Variants in RBFOX2 observed in about 807,000 individuals in gnomAD.
RBFOX2 encodes the protein RNA binding fox-1 homolog 2.
RBFOX2 carries 10 observed loss-of-function variants against 49.1 expected under a neutral mutation model. The observed-to-expected ratio is 0.20, with a 90% confidence interval of 0.13 to 0.35. RBFOX2 has a LOEUF of 0.35. RBFOX2 is among the 10% of genes least tolerant of loss of function. The pLI is 1.00. For missense variants in RBFOX2, 323 were observed against 486.9 expected (o/e 0.66, Z 3.17); for synonymous variants, 183 against 187.4 (o/e 0.98, Z 0.19).
chr22:35,867,598 T>A (rs2043841135), intron 1 of RBFOX2, among the ~76,000 whole-genome samples: 1 of 152,196 alleles, frequency 6.6e-6, no homozygotes, highest in African/African-American at 2.4e-5. Context: ...ATATACTAAC[T>A]AAATATTGTT....
chr22:35,747,894 A>T (rs931548287), intron 9 of RBFOX2: 9 of 152,196 alleles, frequency 5.9e-5, no homozygotes, highest in African/African-American at 1.9e-4. Flanking sequence ...TCTACAAAAG[A>T]AATTTCAAAT....
At chr22:35,785,775 T>C (rs1180701660) in intron 2 of RBFOX2, among the ~76,000 whole-genome samples, 1 of 152,226 alleles carries the variant, frequency 6.6e-6, no homozygotes, top group East Asian at 1.9e-4. Context: ...TGAAGCAATG[T>C]TCTGTGAAAG....
intron 1 of RBFOX2, among the ~76,000 whole-genome samples, chr22:35,973,599 C>T (rs1027458135): frequency 2.0e-5 from 3 of 152,172 alleles, no homozygotes; most frequent in African/African-American, 7.2e-5. Flanking sequence ...CAGACACAAC[C>T]AGAATGGCAG....
chr22:36,021,328 A>G (rs2059240051), intron 1 of RBFOX2, among the ~76,000 whole-genome samples: 1 of 152,060 alleles, frequency 6.6e-6, no homozygotes, highest in African/African-American at 2.4e-5. Context: ...CCACACCAAC[A>G]TGGCACATGT....
At chr22:35,809,055 TA>T (rs573632268) in intron 2 of RBFOX2, among the ~76,000 whole-genome samples, 6,352 of 136,088 alleles carry the variant, frequency 0.047, 127 homozygotes, top group Non-Finnish European at 0.051. Context: ...GCATTTGCAT[TA>T]AAAAAAAAAA....
At chr22:35,917,151 G>C (rs1163982428) in intron 1 of RBFOX2, among the ~76,000 whole-genome samples, 3 of 152,202 alleles carry the variant, frequency 2.0e-5, no homozygotes, top group African/African-American at 7.2e-5. Context: ...GGTGATGGGG[G>C]AAAAGAGTGA....
At chr22:35,897,903 A>G (rs1212452834) in intron 1 of RBFOX2, 1 of 725,960 alleles carries the variant, frequency 1.4e-6, no homozygotes, top group Non-Finnish European at 2.6e-6. Context: ...TCAGATGTGC[A>G]ACATGAATGA....
At chr22:36,023,048 T>C (rs1276851030) in intron 1 of RBFOX2, among the ~76,000 whole-genome samples, 2 of 152,152 alleles carry the variant, frequency 1.3e-5, no homozygotes, top group Admixed American at 6.5e-5. Flanking sequence ...TGAAATATTG[T>C]TCATGAAATT....
At chr22:35,907,654 AT>A (rs895129129) in intron 1 of RBFOX2, among the ~76,000 whole-genome samples, 19 of 148,388 alleles carry the variant, frequency 1.3e-4, no homozygotes, top group East Asian at 9.8e-4. Flanking sequence ...TCAAAACTCG[AT>A]TTTTTTTTTT....
intron 4 of RBFOX2, among the ~76,000 whole-genome samples, chr22:35,773,898 AT>A (rs1463541907): frequency 6.6e-6 from 1 of 152,114 alleles, no homozygotes; most frequent in Non-Finnish European, 1.5e-5. Flanking sequence ...CAAGTTCTTA[AT>A]CACTAAAAGT....
chr22:35,874,930 G>A lies in RBFOX2; in HGVS notation c.-34+63917C>T, dbSNP rs145102320. 1.2e-3 allele frequency among the ~76,000 whole-genome samples: 182 copies of A among 152,316 alleles called. 1 individual carries two copies. The East Asian group carries it at 0.018, about 15-fold the overall frequency. ...TAAGGAAATAATTAATGTTAAGTAA[G>A]GTGGGGGTGATAGGGGAGTGGCACT... On this transcript the variant is annotated intron_variant, in intron 1 of 13. Transcript: ENST00000359369.
chr22:35,808,009 C>T (rs535568348), intron 2 of RBFOX2, among the ~76,000 whole-genome samples: 32 of 151,950 alleles, frequency 2.1e-4, no homozygotes, highest in Middle Eastern at 6.8e-3. Flanking sequence ...ACACAAATTA[C>T]CCAAACTAAC....
intron 1 of RBFOX2, among the ~76,000 whole-genome samples, chr22:35,863,459 T>A (rs2149107652): frequency 6.6e-6 from 1 of 152,226 alleles, no homozygotes; most frequent in South Asian, 2.1e-4. Context: ...AAAAAGCTAA[T>A]CCAAAAAGGC....
At chr22:35,995,649 ACTCT>A (rs1021592448) in intron 1 of RBFOX2, 10 of 153,274 alleles carry the variant, frequency 6.5e-5, no homozygotes, top group Admixed American at 1.3e-4. Context: ...CCCCCTTCAC[ACTCT>A]CTCTCTCTCC....
Position 35,809,772 on chromosome 22 carries a change from C to G in RBFOX2, c.252+8G>C. On this transcript the variant is annotated splice_region_variant and intron_variant, in intron 2 of 11. Transcript: ENST00000405409. ...ATCCTTCCATTTTTCACCTCATGGT[C>G]CACGTACCGTAAGAGATCCATTTTG... 1 of 1,612,776 alleles carries G rather than the reference C, an allele frequency of 6.2e-7. No homozygotes were observed.
chr22:35,823,525 G>GT (rs1485574856), intron 1 of RBFOX2, among the ~76,000 whole-genome samples: 6 of 152,142 alleles, frequency 3.9e-5, no homozygotes, highest in African/African-American at 1.4e-4. Context: ...GGGGAGTCTT[G>GT]TAAGAGATGT....
intron 2 of RBFOX2, among the ~76,000 whole-genome samples, chr22:35,788,895 A>G (rs768353176): frequency 7.9e-5 from 12 of 151,990 alleles, no homozygotes; most frequent in Non-Finnish European, 1.8e-4. Context: ...CACGCTACAC[A>G]TTTTCTTTCG....
intron 1 of RBFOX2, among the ~76,000 whole-genome samples, chr22:35,904,320 T>G (rs1289865242): frequency 1.3e-5 from 2 of 152,200 alleles, no homozygotes; most frequent in Non-Finnish European, 2.9e-5. Context: ...ATGCTTTTTT[T>G]GGTTACAGAT....
chr22:35,782,434 G>GCCTCAGCCT (rs1308385665), intron 2 of RBFOX2, among the ~76,000 whole-genome samples: 3 of 152,088 alleles, frequency 2.0e-5, no homozygotes, highest in African/African-American at 7.2e-5. Context: ...CCATTCTCCT[G>GCCTCAGCCT]CCTCAGCCTC....
Sources: gnomAD v4.1 joint callset for allele counts (sites outside exome capture counted in the v4.1 genomes callset) on GRCh38, gnomAD v4.1.1 for gene constraint, MANE v1.5 for transcripts, NCBI Gene and HGNC (gene_info 2026-07-23, HGNC 2026-07-21) for gene names.